The following H6PD variants were observed in gnomAD, a reference collection of about 807,000 sequenced individuals.
The protein encoded by H6PD is GDH/6PGL endoplasmic bifunctional protein.
H6PD carries 48 observed loss-of-function variants against 61.2 expected under a neutral mutation model. The ratio of observed to expected loss-of-function variants is 0.78; its 90% CI spans 0.62 to 1.00. The LOEUF (loss-of-function observed/expected upper bound fraction) is 1.00. Ranked by LOEUF, H6PD falls within the 50% of genes least tolerant of loss-of-function variation. The pLI is 0.00. For synonymous variants in H6PD, 480 were observed against 457.9 expected, an observed-to-expected ratio of 1.05 and a Z score of -0.62; for missense variants, 1,093 against 1,065.0, an observed-to-expected ratio of 1.03 and a Z score of -0.37.
chr1:9,258,174 C>T lies in H6PD; in HGVS notation c.746-3885C>T, dbSNP rs150751133. On this transcript the variant is annotated intron_variant, in intron 3 of 4. Coordinates refer to ENST00000377403, the MANE Select transcript of H6PD (RefSeq NM_004285.4). The stretch of plus-strand genomic sequence containing the variant: ...TGGTGTTGTTATGCTGGTGTTGTTA[C>T]GTTGCTATTGTTACACCGGTGTTGT... Among the ~76,000 whole-genome samples the T allele has an allele frequency of 6.4e-4, 97 of 152,328 alleles. No individual in the cohort carries two copies. The East Asian group carries it at 6.7e-3, about 11-fold the overall frequency.
intron 1 of H6PD, chr1:9,242,573 A>C: frequency 1.0e-6 from 1 of 985,456 alleles, no homozygotes; most frequent in South Asian, 4.7e-5. Context: ...TCAGAACAGG[A>C]TTAAAGAGAG....
In H6PD at chr1:9,263,981, G is replaced by A. The variant is rs1035729085; in HGVS notation, c.1488G>A (p.Lys496=). 3.1e-6 allele frequency: 5 copies of A among 1,614,112 alleles called. No individual in the cohort carries two copies. The African/African-American group carries it at 5.3e-5, about 17-fold the overall frequency. The change falls in exon 5 of 5, where the codon AAG becomes AAA. Residue 496 remains lysine (K), a synonymous_variant. Transcript: ENST00000377403. ...CTCTGCTGGAGAGCCTGGCCCATAA[G>A]GCCCCACGCCTCTACCCTGGAGGAG... ...WTPLLESLAH[K]APRLYPGGAE... is the part of the protein sequence containing the mutation.
intron 1 of H6PD, among the ~76,000 whole-genome samples, chr1:9,236,215 T>C (rs1640845445): frequency 6.6e-6 from 1 of 152,180 alleles, no homozygotes; most frequent in East Asian, 1.9e-4. Flanking sequence ...TGTCTTGAAC[T>C]GCTGACCTCA....
At position 9,237,897 on chromosome 1, in the gene H6PD, G is replaced by A. The variant is rs150574629; in HGVS notation, c.-11+2831G>A. On this transcript the variant is annotated intron_variant, in intron 1 of 4. Coordinates refer to ENST00000377403, the MANE Select transcript of H6PD (RefSeq NM_004285.4). ...CCTTCTGTATGCCAGGCCTTGTTTT[G>A]GATACTGGAGGTACTGCGGAGAACA... is the stretch of plus-strand genomic sequence containing the variant. Among the ~76,000 whole-genome samples the A allele has an allele frequency of 1.2e-4, 19 of 152,266 alleles. No homozygotes were observed. In the East Asian group the frequency reaches 3.7e-3, roughly 29 times the overall value.
chr1:9,256,148 T>C (rs1570108762), intron 3 of H6PD, among the ~76,000 whole-genome samples: 1 of 152,326 alleles, frequency 6.6e-6, no homozygotes, highest in South Asian at 2.1e-4. Context: ...TGAGGATAAA[T>C]GGACTGATCC....
At chr1:9,247,190 C>T in intron 3 of H6PD, 107 bp downstream of exon 3, 7 of 816,850 alleles carry the variant, frequency 8.6e-6, no homozygotes, top group Non-Finnish European at 1.5e-5. Context: ...GGTGTGTGGT[C>T]TCCCTTCGAG....
intron 3 of H6PD, among the ~76,000 whole-genome samples, chr1:9,260,911 C>T (rs1021815232): frequency 3.9e-5 from 6 of 152,192 alleles, no homozygotes; most frequent in East Asian, 1.9e-4. Context: ...TGTCTGTGAG[C>T]GCCTCCACTG....
Position 9,265,503 on chromosome 1 carries a change from C to A in H6PD, c.*634C>A. Reference sequence around the variant, plus strand: ...ACCTGCTCCCGCTTGCCATCCCTGTCTCCTCCATCCTGGCTGTGCAGTAGG... The same window carrying A: ...ACCTGCTCCCGCTTGCCATCCCTGTATCCTCCATCCTGGCTGTGCAGTAGG... On this transcript the variant is annotated 3_prime_UTR_variant, in exon 5 of 5. Coordinates refer to ENST00000377403, the MANE Select transcript of H6PD (RefSeq NM_004285.4). 6.0e-6 allele frequency: 1 copy of A among 167,326 alleles called. No individual in the cohort carries two copies. The highest frequency in any genetic ancestry group is 1.3e-5 in the Non-Finnish European group (1 of 75,948). 10.4% of individuals were successfully genotyped at this position (167,326 alleles called of 1,614,324 possible).
chr1:9,236,048 G>T lies in H6PD; in HGVS notation c.-11+982G>T, dbSNP rs183822168. On this transcript the variant is annotated intron_variant, in intron 1 of 4. Transcript: ENST00000377403. ...GTTGTTGCCCAAGCTGGAGTGCAAT[G>T]GCGCGATCTCGGCCCACTGCAACCT... is the stretch of plus-strand genomic sequence containing the variant. 2.6e-5 allele frequency among the ~76,000 whole-genome samples: 4 copies of T among 152,282 alleles called. No individual in the cohort carries two copies. In the East Asian group the frequency reaches 7.7e-4, roughly 29 times the overall value.
intron 3 of H6PD, among the ~76,000 whole-genome samples, chr1:9,253,016 G>T (rs1051752019): frequency 1.3e-5 from 2 of 152,272 alleles, no homozygotes; most frequent in South Asian, 4.1e-4. Flanking sequence ...ATTTTTAGGA[G>T]AAATCAGTCC....
intron 3 of H6PD, 85 bp from the exon 4 acceptor site, chr1:9,261,974 G>T: frequency 7.3e-7 from 1 of 1,363,084 alleles, no homozygotes; most frequent in South Asian, 1.2e-5. Flanking sequence ...TGAATGTGCG[G>T]GCTGGGGTTT....
intron 3 of H6PD, among the ~76,000 whole-genome samples, chr1:9,261,150 C>T (rs566210090): frequency 6.6e-6 from 1 of 152,178 alleles, no homozygotes; most frequent in South Asian, 2.1e-4. Context: ...CCCCCAAGAC[C>T]AGGGGTCGAT....
Position 9,264,899 on chromosome 1 carries a change from C to A in H6PD, c.*30C>A. 1 of 1,607,608 alleles carries A rather than the reference C, an allele frequency of 6.2e-7. No individual in the cohort carries two copies. ...GCCTGTGCCCCTTGCCCGCTTCGCT[C>A]CTGTGCTTTCCTTCGCCCGTGTCTT... On this transcript the variant is annotated 3_prime_UTR_variant, in exon 5 of 5. Transcript: ENST00000377403.
chr1:9,246,924 T>G, intron 2 of H6PD, 42 bp from the exon 3 acceptor site: 118 of 1,377,752 alleles, frequency 8.6e-5, no homozygotes, highest in Non-Finnish European at 1.1e-4. Flanking sequence ...TCCTTCATCG[T>G]GAGAGTATCC....
In H6PD at chr1:9,268,690, C is replaced by G. The variant is rs1227568645; in HGVS notation, c.*3821C>G. 6.6e-6 allele frequency: 1 copy of G among 152,206 alleles called. No individual in the cohort carries two copies. Among genetic ancestry groups the G allele is most frequent in the Non-Finnish European group, 1.5e-5 (1 of 68,036 alleles). 9.4% of individuals were successfully genotyped at this position (152,206 alleles called of 1,614,324 possible). On this transcript the variant is annotated 3_prime_UTR_variant, in exon 5 of 5. Transcript: ENST00000377403. ...ATGCTTTAGCCCTACTCTTGGGCCC[C>G]CAAGTTAGCAGAGTAATCAAAGCTT...
In H6PD at chr1:9,263,650, G is replaced by A. The variant is rs772512315; in HGVS notation, c.1157G>A (p.Trp386Ter). Residue 386 changes from tryptophan to a stop codon, truncating the protein, a stop_gained, in exon 5 of 5, where the codon TGG (tryptophan) becomes TAG (stop). Coordinates refer to ENST00000377403, the MANE Select transcript of H6PD (RefSeq NM_004285.4). LOFTEE classifies it high-confidence loss of function. ...TGCTGTGTGCAGAGCGAAAAGCACT[G>A]GGCCGCGGCGCAGAGCCAGTGCCTG... ...QACCVQSEKH[W>*]AAAQSQCLPR... is the part of the protein sequence containing the mutation. The A allele has an allele frequency of 6.2e-7, 1 of 1,614,066 alleles. No individual in the cohort carries two copies. The highest frequency in any genetic ancestry group is 8.5e-7 in the Non-Finnish European group (1 of 1,180,042).
At position 9,245,109 on chromosome 1, in the gene H6PD, A is replaced by G. The variant is rs749851354; in HGVS notation, c.175A>G (p.Ser59Gly). 2.7e-5 allele frequency: 43 copies of G among 1,614,056 alleles called. No individual in the cohort carries two copies. Among genetic ancestry groups the G allele is most frequent in the Non-Finnish European group, 3.6e-5 (43 of 1,180,014 alleles). ...LYLDEAGRGH[S>G]FSFHGAALTA... ...CCTGGATGAAGCGGGGAGGGGTCAC[A>G]GTTTTAGCTTCCATGGAGCTGCTCT... The change falls in exon 2 of 5, where the codon AGT (serine) becomes GGT (glycine). Residue 59 changes from serine (S) to glycine (G), a missense_variant. Transcript: ENST00000377403. The surrounding 1 kb of genome is among the most constrained non-coding windows in gnomAD (Gnocchi z 4.8).
In H6PD at chr1:9,264,429, A is replaced by G. The variant is rs1373900967; in HGVS notation, c.1936A>G (p.Ile646Val). 6.2e-7 allele frequency: 1 copy of G among 1,613,138 alleles called. No individual in the cohort carries two copies. Among genetic ancestry groups the G allele is most frequent in the Admixed American group, 1.7e-5 (1 of 60,032 alleles). Residue 646 changes from isoleucine to valine, a missense_variant, in exon 5 of 5, where the codon ATC becomes GTC. Coordinates refer to ENST00000377403, the MANE Select transcript of H6PD (RefSeq NM_004285.4). ...LQAHLLQHVR[I>V]PYYNIHPMPV... The stretch of plus-strand genomic sequence containing the variant: ...GGCCCACCTGCTGCAGCACGTCCGG[A>G]TCCCCTACTACAACATCCACCCCAT...
At position 9,264,167 on chromosome 1, in the gene H6PD, C is replaced by T. The variant is rs1399471658; in HGVS notation, c.1674C>T (p.Ala558=). The T allele has an allele frequency of 1.2e-6, 2 of 1,612,778 alleles. No individual in the cohort carries two copies. Among genetic ancestry groups the T allele is most frequent in the South Asian group, 1.1e-5 (1 of 91,068 alleles). The change falls in exon 5 of 5, where the codon GCC becomes GCT. Residue 558 remains alanine (A), a synonymous_variant. Transcript: ENST00000377403. ...ACCGAGAGAGCCCGCTGGTCTCCGC[C>T]TGGTCCGAGGAGCTGATCTCTAAGC... ...AKYRESPLVS[A]WSEELISKLA...
Sources: gnomAD v4.1 joint callset for allele counts (sites outside exome capture counted in the v4.1 genomes callset) on GRCh38, gnomAD v4.1.1 for gene constraint, Gnocchi (gnomAD v3.1) non-coding constraint, MANE v1.5 for transcripts, NCBI Gene and HGNC (gene_info 2026-07-23, HGNC 2026-07-21) for gene names.